Variants in BIN3 observed in about 807,000 individuals in gnomAD.
BIN3 encodes the protein bridging integrator 3.
In BIN3, 41 loss-of-function variants were observed where a neutral mutation model predicts 38.2. That is an observed-to-expected ratio of 1.07 (90% CI 0.84 to 1.39). The LOEUF (loss-of-function observed/expected upper bound fraction) is 1.39. Ranked by LOEUF, BIN3 falls within the 40% of genes most tolerant of loss-of-function variation. The probability of loss-of-function intolerance (pLI) is 0.00; values close to 1 mark genes in which losing one functional copy is unlikely to be tolerated. For missense variants in BIN3, 361 were observed against 324.3 expected (o/e 1.11, Z -0.87); for synonymous variants, 145 against 122.6 (o/e 1.18, Z -1.21).
chr8:22,628,518 C>T lies in BIN3; in HGVS notation c.338+1446G>A, dbSNP rs374636258. Among the ~76,000 whole-genome samples, 11 of 152,280 alleles carry T rather than the reference C, an allele frequency of 7.2e-5. No individual in the cohort carries two copies. The East Asian group carries it at 2.1e-3, about 29-fold the overall frequency. On this transcript the variant is annotated intron_variant, in intron 6 of 8. Coordinates refer to ENST00000276416, the MANE Select transcript of BIN3 (RefSeq NM_018688.6). ...TCAGCGGATCCGCTGCGGAGATGTG[C>T]GCCCCCTCTGCCACGCCCCCACCTT...
rs113429499 is a variant in BIN3, at chr8:22,628,106, C to T, written c.338+1858G>A. On this transcript the variant is annotated intron_variant, in intron 6 of 8. Transcript: ENST00000276416. ...GAGGCCGGCTGGGAGGTGGGCTGGG[C>T]GCAGCCAGCACTGGTGGGGAATGCC... Among the ~76,000 whole-genome samples the T allele has an allele frequency of 4.2e-3, 638 of 152,330 alleles. 8 individuals carry two copies. The highest frequency in any genetic ancestry group is 3.4e-3 in the Middle Eastern group (1 of 294).
chr8:22,662,110 T>C (rs1292695351), intron 1 of BIN3, among the ~76,000 whole-genome samples: 2 of 152,190 alleles, frequency 1.3e-5, no homozygotes, highest in Admixed American at 6.5e-5. Flanking sequence ...CATATCATCA[T>C]GTAAAGACAT....
chr8:22,629,261 G>C (rs1164842292), intron 6 of BIN3, among the ~76,000 whole-genome samples: 1 of 152,210 alleles, frequency 6.6e-6, no homozygotes, highest in Non-Finnish European at 1.5e-5. Flanking sequence ...AAGAGGCAAG[G>C]AAGTGCAGCT....
Position 22,630,598 on chromosome 8 carries a change from G to A in BIN3, c.161-20C>T, listed in dbSNP as rs187399704. 67 of 1,613,204 alleles carry A rather than the reference G, an allele frequency of 4.2e-5. No homozygotes were observed. The African/African-American group carries it at 4.7e-4, about 11-fold the overall frequency. On this transcript the variant is annotated intron_variant, in intron 4 of 8. Transcript: ENST00000276416. ...ACATGGCTGTGGGAAGCCAAAGCTC[G>A]GTGAACCTTCTATGAAGGGGCAGGT...
intron 3 of BIN3, 163 bp from the exon 4 acceptor site, chr8:22,636,749 A>G: frequency 1.0e-6 from 1 of 983,980 alleles, no homozygotes; most frequent in Non-Finnish European, 1.5e-6. Context: ...GCTATGAGTG[A>G]ATGACTCTCA....
intron 1 of BIN3, among the ~76,000 whole-genome samples, chr8:22,656,569 C>T (rs918618473): frequency 2.0e-5 from 3 of 152,116 alleles, no homozygotes; most frequent in Non-Finnish European, 1.5e-5. Context: ...CTATTTATTG[C>T]CTTATGTTAT....
chr8:22,635,381 C>T (rs1169099037), intron 4 of BIN3, among the ~76,000 whole-genome samples: 1 of 152,144 alleles, frequency 6.6e-6, no homozygotes, highest in Non-Finnish European at 1.5e-5. Context: ...CGTGGGTTCT[C>T]GGTCAGCATC....
At chr8:22,624,153 G>A (rs989875167) in intron 7 of BIN3, 69 bp downstream of exon 7, 2 of 1,589,364 alleles carry the variant, frequency 1.3e-6, no homozygotes, top group Non-Finnish European at 1.7e-6. Context: ...CAGGTGAGGG[G>A]AGGGACTTAC....
chr8:22,663,613 A>T (rs1803315097), intron 1 of BIN3, among the ~76,000 whole-genome samples: 1 of 152,144 alleles, frequency 6.6e-6, no homozygotes, highest in South Asian at 2.1e-4. Flanking sequence ...GCCTAGGCTC[A>T]ATTTCAAGTC....
Position 22,630,436 on chromosome 8 carries a change from A to AG in BIN3, c.297+5dup. 2 of 1,613,788 alleles carry AG rather than the reference A, an allele frequency of 1.2e-6. No individual in the cohort carries two copies. Among genetic ancestry groups the AG allele is most frequent in the Non-Finnish European group, 1.7e-6 (2 of 1,179,796 alleles). On this transcript the variant is annotated splice_donor_region_variant and intron_variant, in intron 5 of 8. Transcript: ENST00000276416. ...GCTTGCCCACCCCACACCAAGACCTAGTCACCTTTTCCTGATTGAAGGCAT... is the reference window on the plus strand; with the variant it reads ...GCTTGCCCACCCCACACCAAGACCTAGGTCACCTTTTCCTGATTGAAGGCAT...
intron 1 of BIN3, among the ~76,000 whole-genome samples, chr8:22,667,763 C>T (rs569054429): frequency 4.6e-5 from 7 of 152,228 alleles, no homozygotes; most frequent in South Asian, 2.1e-4. Flanking sequence ...GCTTTCCTCC[C>T]GTGCTTGCGG....
At chr8:22,644,607 T>C (rs1585193519) in intron 2 of BIN3, 148 bp downstream of exon 2, 1 of 724,724 alleles carries the variant, frequency 1.4e-6, no homozygotes, top group Admixed American at 2.1e-5. Flanking sequence ...CCTCAGTCTA[T>C]GTGAGGTTCT....
intron 6 of BIN3, among the ~76,000 whole-genome samples, chr8:22,628,269 G>A (rs191397486): frequency 6.6e-6 from 1 of 152,242 alleles, no homozygotes; most frequent in African/African-American, 2.4e-5. Context: ...GGGAGGCTGG[G>A]GGCGGTGGGG....
In BIN3 at chr8:22,630,438, T is replaced by A. The variant is rs1157965714; in HGVS notation, c.297+4A>T. ...TTGCCCACCCCACACCAAGACCTAGTCACCTTTTCCTGATTGAAGGCATCC... is the reference window on the plus strand; with the variant it reads ...TTGCCCACCCCACACCAAGACCTAGACACCTTTTCCTGATTGAAGGCATCC... On this transcript the variant is annotated splice_donor_region_variant and intron_variant, in intron 5 of 8. Coordinates refer to ENST00000276416, the MANE Select transcript of BIN3 (RefSeq NM_018688.6). 1.2e-6 allele frequency: 2 copies of A among 1,613,820 alleles called. No homozygotes were observed. Among genetic ancestry groups the A allele is most frequent in the South Asian group, 2.2e-5 (2 of 91,066 alleles).
chr8:22,648,920 T>C (rs1407095517), intron 1 of BIN3, among the ~76,000 whole-genome samples: 2 of 151,992 alleles, frequency 1.3e-5, no homozygotes, highest in Non-Finnish European at 2.9e-5. Context: ...TGTATGTATG[T>C]ATGTATGTAT....
At position 22,624,122 on chromosome 8, in the gene BIN3, C is replaced by T. The variant is rs1290789332; in HGVS notation, c.481-73G>A. Reference sequence around the variant, plus strand: ...GGATACGGGATGGGTGGGGTGGGGACGTCTGGTGTCTTGGTGCCCCCAGGT... The same window carrying T: ...GGATACGGGATGGGTGGGGTGGGGATGTCTGGTGTCTTGGTGCCCCCAGGT... On this transcript the variant is annotated intron_variant, in intron 7 of 8. Coordinates refer to ENST00000276416, the MANE Select transcript of BIN3 (RefSeq NM_018688.6). 2.0e-5 allele frequency: 31 copies of T among 1,588,264 alleles called. No homozygotes were observed. In the South Asian group the frequency reaches 2.3e-4, roughly 12 times the overall value.
Position 22,624,254 on chromosome 8 carries a change from T to C in BIN3, c.448A>G (p.Lys150Glu). ...AGCTTGGCCAGCACTGGCCCCGTCT[T>C]CTCCTTTTCCTCATACTTCTCCACC... ...AKVEKYEEKE[K>E]TGPVLAKLHQ... The change falls in exon 7 of 9, where the codon AAG becomes GAG. Residue 150 changes from lysine to glutamate, a missense_variant. By Grantham distance (56) the Lys-to-Glu change is moderately conservative (BLOSUM62 1). Transcript: ENST00000276416. 6.2e-7 allele frequency: 1 copy of C among 1,613,924 alleles called. No homozygotes were observed. Among genetic ancestry groups the C allele is most frequent in the Non-Finnish European group, 8.5e-7 (1 of 1,179,882 alleles).
intron 1 of BIN3, among the ~76,000 whole-genome samples, chr8:22,660,322 T>C (rs1803193072): frequency 6.6e-6 from 1 of 152,274 alleles, no homozygotes; most frequent in South Asian, 2.1e-4. Flanking sequence ...AGGCTTGTCC[T>C]GCGGACTCCG....
chr8:22,636,730 C>T (rs1176527913), intron 3 of BIN3, 144 bp from the exon 4 acceptor site: 6 of 1,006,432 alleles, frequency 6.0e-6, no homozygotes, highest in Admixed American at 4.2e-5. Flanking sequence ...AGTGCCACTA[C>T]ACCCAAAGGC....
Sources: gnomAD v4.1 joint callset for allele counts (sites outside exome capture counted in the v4.1 genomes callset) on GRCh38, gnomAD v4.1.1 for gene constraint, MANE v1.5 for transcripts, NCBI Gene and HGNC (gene_info 2026-07-23, HGNC 2026-07-21) for gene names.